Variants in OGDH observed in about 807,000 individuals in gnomAD.
OGDH encodes the protein oxoglutarate dehydrogenase, also known as 2-oxoglutarate dehydrogenase complex component E1.
In OGDH, 38 loss-of-function variants were observed where a neutral mutation model predicts 116.6. The observed-to-expected ratio is 0.33, with a 90% CI of 0.25 to 0.43. The LOEUF is 0.43. Among genes scored for constraint, OGDH ranks in the 20% least tolerant of loss-of-function variants. OGDH has a pLI of 1.00. For synonymous variants in OGDH, 488 were observed against 533.3 expected (o/e 0.92, Z 1.17); for missense variants, 825 against 1,357.2 (o/e 0.61, Z 6.16).
At position 44,662,749 on chromosome 7, in the gene OGDH, A is replaced by T. The variant is rs375212837; in HGVS notation, c.518-3987A>T. ...AGTGCTGGGATTACCGGCGTGAGCC[A>T]CTGTGCCCAGCCTATACCACTTCTT... is the stretch of plus-strand genomic sequence containing the variant. On this transcript the variant is annotated intron_variant, in intron 4 of 22. Transcript: ENST00000222673. Among the ~76,000 whole-genome samples, 6 of 152,174 alleles carry T rather than the reference A, an allele frequency of 3.9e-5. No homozygotes were observed. The South Asian group carries it at 1.0e-3, about 26-fold the overall frequency.
Position 44,694,467 on chromosome 7 carries a change from T to A in OGDH, c.1559T>A (p.Met520Lys). ...GGCCACAACGAGATGGATGAGCCCA[T>A]GTTCACGCAGCCGCTCATGTACAAG... is the stretch of plus-strand genomic sequence containing the variant. ...RNGHNEMDEPMFTQPLMYKQI... is the reference protein window; with the variant it reads ...RNGHNEMDEPKFTQPLMYKQI... Residue 520 changes from methionine to lysine, a missense_variant, in exon 12 of 23, where the codon ATG becomes AAG. This residue lies in a region of OGDH where 146 missense variants were observed against 317.3 expected (regional missense o/e 0.46). Transcript: ENST00000222673. This position sits in a 1 kb window ranked among gnomAD's most constrained non-coding sequence, Gnocchi z 4.2. The A allele has an allele frequency of 6.2e-7, 1 of 1,613,972 alleles. No homozygotes were observed. The highest frequency in any genetic ancestry group is 8.5e-7 in the Non-Finnish European group (1 of 1,180,004).
In OGDH at chr7:44,629,575, C is replaced by CTTTTTTT. The variant is rs1037295168; in HGVS notation, c.222+5014_222+5015insTTTTTTT. 2.9e-4 allele frequency among the ~76,000 whole-genome samples: 39 copies of CTTTTTTT among 134,414 alleles called. 1 individual carries two copies. The highest frequency in any genetic ancestry group is 1.1e-3 in the East Asian group (5 of 4,386). 88.2% of individuals were successfully genotyped at this position (134,414 alleles called of 152,430 possible). A position where few individuals can be genotyped will look rare whatever the true frequency, so the allele number is the denominator to read the frequency against. ...TTTCTTTTCTTTCCTTTTTCTTTTT[C>CTTTTTTT]TTTTCTTTTTTTTTTTTTTTTTTGA... On this transcript the variant is annotated intron_variant, in intron 2 of 22. Transcript: ENST00000222673.
intron 4 of OGDH, among the ~76,000 whole-genome samples, chr7:44,661,486 C>CTTTATT (rs1786939281): frequency 6.6e-6 from 1 of 151,856 alleles, no homozygotes; most frequent in African/African-American, 2.4e-5. Flanking sequence ...TCAAGTGTGC[C>CTTTATT]ATTTTATTAT....
chr7:44,704,673 C>A (rs191865842), intron 20 of OGDH, among the ~76,000 whole-genome samples: 1 of 151,900 alleles, frequency 6.6e-6, no homozygotes, highest in African/African-American at 2.4e-5. Context: ...TTGTTAGTAT[C>A]TTTGGTTTTG....
chr7:44,669,385 C>G (rs1371729491), intron 5 of OGDH, among the ~76,000 whole-genome samples: 1 of 152,018 alleles, frequency 6.6e-6, no homozygotes, highest in Admixed American at 6.6e-5. Context: ...CTCCTGGAGT[C>G]AAGTGATCCT....
rs374833704 is a variant in OGDH at position 44,701,519 on chromosome 7, C to T, written c.2560-24C>T. 7 of 1,605,556 alleles carry T rather than the reference C, an allele frequency of 4.4e-6. No individual in the cohort carries two copies. The African/African-American group carries it at 5.4e-5, about 12-fold the overall frequency. ...GGAATCTTCAGAATCTGATCCTTCA[C>T]GAGCCTATTGTTCTGTATTTCAGTT... On this transcript the variant is annotated intron_variant, in intron 19 of 22. Transcript: ENST00000222673.
chr7:44,624,693 C>G, intron 2 of OGDH, 128 bp downstream of exon 2: 1 of 777,188 alleles, frequency 1.3e-6, no homozygotes, highest in Admixed American at 2.0e-5. Flanking sequence ...CCATACCAAC[C>G]ACCGTATCTG....
At chr7:44,656,171 T>C in intron 4 of OGDH, 1 of 601,468 alleles carries the variant, frequency 1.7e-6, no homozygotes, top group African/African-American at 1.9e-5. Context: ...TCTCCCTTGA[T>C]GTGTGTGTGT....
chr7:44,634,030 C>T (rs1168137972), intron 2 of OGDH, among the ~76,000 whole-genome samples: 1 of 152,180 alleles, frequency 6.6e-6, no homozygotes, highest in South Asian at 2.1e-4. Flanking sequence ...ACCAGTGTAG[C>T]ATGTCTCATG....
intron 2 of OGDH, among the ~76,000 whole-genome samples, chr7:44,640,710 G>A (rs1785892358): frequency 6.6e-6 from 1 of 152,058 alleles, no homozygotes; most frequent in African/African-American, 2.4e-5. Context: ...AGTTTGGGTT[G>A]TGCTGTTCTC....
chr7:44,651,378 T>G (rs17133731), intron 4 of OGDH, among the ~76,000 whole-genome samples: 2,537 of 152,284 alleles, frequency 0.017, 68 homozygotes, highest in African/African-American at 0.058. Flanking sequence ...AATTAACAAG[T>G]AGACTCTTAC....
At position 44,629,737 on chromosome 7, in the gene OGDH, G is replaced by A. The variant is rs371572513; in HGVS notation, c.222+5172G>A. On this transcript the variant is annotated intron_variant, in intron 2 of 22. Coordinates refer to ENST00000222673, the MANE Select transcript of OGDH (RefSeq NM_002541.4). ...TGGGATTACAGACGTGCCCCATCAC[G>A]CCTGGCTAATTTTTGTATTTTTAAT... Among the ~76,000 whole-genome samples, 167 of 151,708 alleles carry A rather than the reference G, an allele frequency of 1.1e-3. 4 individuals carry two copies. The South Asian group carries it at 0.033, about 30-fold the overall frequency.
chr7:44,648,701 G>A (rs957976248), intron 4 of OGDH, among the ~76,000 whole-genome samples: 1 of 152,170 alleles, frequency 6.6e-6, no homozygotes, highest in African/African-American at 2.4e-5. Flanking sequence ...GCATTACTAA[G>A]TTATGTCTAG....
intron 4 of OGDH, among the ~76,000 whole-genome samples, chr7:44,665,148 C>G (rs1787126383): frequency 1.3e-5 from 2 of 152,150 alleles, no homozygotes; most frequent in Admixed American, 1.3e-4. Context: ...TGCCCAAAAG[C>G]CAGGCCATAA....
intron 4 of OGDH, 169 bp from the exon 5 acceptor site, chr7:44,666,567 G>A (rs1020443405): frequency 1.3e-4 from 49 of 379,934 alleles, no homozygotes; most frequent in Non-Finnish European, 1.8e-4. Context: ...TTGTGTTTCT[G>A]GCTGTAAAAT....
rs554313342 is a variant in OGDH at position 44,698,310 on chromosome 7, G to T, written c.2430+47G>T. On this transcript the variant is annotated intron_variant, in intron 18 of 22. Transcript: ENST00000222673. ...AGCCCAGCCATTCTCGGGGTGTCTG[G>T]TGGGAAACCTGGGGAAGAGCAATCT... 8 of 1,593,386 alleles carry T rather than the reference G, an allele frequency of 5.0e-6. No individual in the cohort carries two copies. In the East Asian group the frequency reaches 1.8e-4, roughly 36 times the overall value.
chr7:44,675,884 A>C, intron 8 of OGDH, 86 bp from the exon 9 acceptor site: 3 of 1,484,008 alleles, frequency 2.0e-6, no homozygotes, highest in South Asian at 2.5e-5. Flanking sequence ...TCTCAAAAAA[A>C]AAAAAAAAAT....
intron 4 of OGDH, among the ~76,000 whole-genome samples, chr7:44,664,212 TG>T (rs1442470211): frequency 6.6e-6 from 1 of 152,152 alleles, no homozygotes; most frequent in Non-Finnish European, 1.5e-5. Flanking sequence ...GGCACCACCT[TG>T]TTATTGCCAG....
chr7:44,624,687 A>G, intron 2 of OGDH, 122 bp downstream of exon 2: 1 of 804,872 alleles, frequency 1.2e-6, no homozygotes, highest in Non-Finnish European at 2.2e-6. Context: ...GGAGCGCCAT[A>G]CCAACCACCG....
Sources: gnomAD v4.1 joint callset for allele counts (sites outside exome capture counted in the v4.1 genomes callset) on GRCh38, gnomAD v4.1.1 for gene constraint, gnomAD v4.1.1 regional missense constraint, Gnocchi (gnomAD v3.1) non-coding constraint, MANE v1.5 for transcripts, NCBI Gene and HGNC (gene_info 2026-07-23, HGNC 2026-07-21) for gene names.